Variants in MSRA observed in about 807,000 individuals in gnomAD.
MSRA encodes the protein methionine sulfoxide reductase A.
MSRA carries 54 observed loss-of-function variants against 31.3 expected under a neutral mutation model. The ratio of observed to expected loss-of-function variants is 1.73; its 90% confidence interval spans 1.39 to 2.17. The LOEUF is 2.17. MSRA is among the 30% of genes most tolerant of loss of function. The probability of loss-of-function intolerance (pLI) is 0.00; values close to 1 mark genes in which losing one functional copy is unlikely to be tolerated. For synonymous variants in MSRA, 169 were observed against 116.5 expected, an observed-to-expected ratio of 1.45 and a Z score of -2.90; for missense variants, 507 against 300.9, an observed-to-expected ratio of 1.69 and a Z score of -5.07.
chr8:10,275,652 T>C (rs1158692277), intron 3 of MSRA, among the ~76,000 whole-genome samples: 12 of 152,204 alleles, frequency 7.9e-5, no homozygotes, highest in Non-Finnish European at 1.8e-4. Flanking sequence ...TTCACCACTA[T>C]GCACTGGCAT....
intron 1 of MSRA, among the ~76,000 whole-genome samples, chr8:10,091,255 G>A (rs144449557): frequency 4.9e-4 from 74 of 152,046 alleles, no homozygotes; most frequent in African/African-American, 1.8e-3. Context: ...TTTTACTTAT[G>A]TTCATTATTC....
chr8:10,226,531 T>G (rs1811016297), intron 2 of MSRA, among the ~76,000 whole-genome samples: 1 of 152,200 alleles, frequency 6.6e-6, no homozygotes, highest in African/African-American at 2.4e-5. Flanking sequence ...TCATGGTCAT[T>G]GGCTCATTGG....
chr8:10,284,333 C>T (rs560922277), intron 3 of MSRA, among the ~76,000 whole-genome samples: 4 of 152,092 alleles, frequency 2.6e-5, no homozygotes, highest in Middle Eastern at 3.4e-3. Context: ...GGACTATAGG[C>T]GCCCGCCACC....
At chr8:10,344,173 G>A (rs992422679) in intron 5 of MSRA, among the ~76,000 whole-genome samples, 7 of 152,150 alleles carry the variant, frequency 4.6e-5, no homozygotes, top group Non-Finnish European at 8.8e-5. Flanking sequence ...TTCTCATATC[G>A]TCCTTTGTAC....
At chr8:10,211,991 A>T (rs1809541220) in intron 2 of MSRA, among the ~76,000 whole-genome samples, 1 of 152,096 alleles carries the variant, frequency 6.6e-6, no homozygotes, top group African/African-American at 2.4e-5. Flanking sequence ...TCCAAGCTTA[A>T]TTTGTGAAGA....
At chr8:10,064,797 A>T (rs1228863769) in intron 1 of MSRA, among the ~76,000 whole-genome samples, 1 of 152,206 alleles carries the variant, frequency 6.6e-6, no homozygotes, top group Non-Finnish European at 1.5e-5. Context: ...GGTTCAGATG[A>T]GGCCACAAAT....
chr8:10,242,835 A>G (rs1181985962), intron 2 of MSRA, among the ~76,000 whole-genome samples: 1 of 152,026 alleles, frequency 6.6e-6, no homozygotes, highest in Non-Finnish European at 1.5e-5. Context: ...CCTCCTAACA[A>G]CCTGTGTCCT....
At chr8:10,147,266 C>A (rs545576994) in intron 1 of MSRA, among the ~76,000 whole-genome samples, 145 of 152,176 alleles carry the variant, frequency 9.5e-4, no homozygotes, top group African/African-American at 3.3e-3. Flanking sequence ...AAGGAACCGG[C>A]GATCCATCCT....
At chr8:10,257,914 TAAG>T (rs1242026806) in intron 3 of MSRA, among the ~76,000 whole-genome samples, 1 of 152,192 alleles carries the variant, frequency 6.6e-6, no homozygotes, top group Non-Finnish European at 1.5e-5. Flanking sequence ...CATGTCTTGT[TAAG>T]AAGCAGGAGA....
At chr8:10,402,553 G>T (rs540076125) in intron 5 of MSRA, among the ~76,000 whole-genome samples, 1 of 152,338 alleles carries the variant, frequency 6.6e-6, no homozygotes, top group South Asian at 2.1e-4. Context: ...CCCACTGGAG[G>T]CAGCTGGGAG....
chr8:10,303,261 A>C (rs1443561931), intron 4 of MSRA, among the ~76,000 whole-genome samples: 1 of 152,182 alleles, frequency 6.6e-6, no homozygotes, highest in Non-Finnish European at 1.5e-5. Context: ...CAGAATTGTA[A>C]AGAAGGCCAA....
chr8:10,168,390 G>C (rs573402600), intron 1 of MSRA, among the ~76,000 whole-genome samples: 37 of 152,128 alleles, frequency 2.4e-4, no homozygotes, highest in Non-Finnish European at 3.8e-4. Flanking sequence ...GGCCAACTCA[G>C]ATGTCACTGG....
intron 1 of MSRA, among the ~76,000 whole-genome samples, chr8:10,105,330 T>C (rs956726459): frequency 2.6e-5 from 4 of 152,206 alleles, no homozygotes; most frequent in African/African-American, 4.8e-5. Context: ...TGCTTTCCGA[T>C]GAGGCAGAGA....
intron 1 of MSRA, among the ~76,000 whole-genome samples, chr8:10,076,557 C>T (rs189017718): frequency 6.6e-6 from 1 of 152,326 alleles, no homozygotes; most frequent in East Asian, 1.9e-4. Context: ...ATTTACGCAG[C>T]TTCCATTCCC....
At chr8:10,238,630 A>C (rs915411019) in intron 2 of MSRA, among the ~76,000 whole-genome samples, 6 of 152,246 alleles carry the variant, frequency 3.9e-5, no homozygotes, top group Non-Finnish European at 7.3e-5. Context: ...ACGATGTCAT[A>C]TAAAGGTAAC....
chr8:10,209,100 G>T (rs921505985), intron 2 of MSRA, among the ~76,000 whole-genome samples: 1 of 152,170 alleles, frequency 6.6e-6, no homozygotes, highest in East Asian at 1.9e-4. Context: ...TCAGTGATGA[G>T]AAATCATTAT....
rs542074662 is a variant in MSRA, at chr8:10,404,457, G to A, written c.544-23691G>A. Among the ~76,000 whole-genome samples, 7 of 152,292 alleles carry A rather than the reference G, an allele frequency of 4.6e-5. No individual in the cohort carries two copies. The South Asian group carries it at 8.3e-4, about 18-fold the overall frequency. On this transcript the variant is annotated intron_variant, in intron 5 of 5. Coordinates refer to ENST00000317173, the MANE Select transcript of MSRA (RefSeq NM_012331.5). The stretch of plus-strand genomic sequence containing the variant: ...GGCGGGTGTGGGATCCATCACGCCC[G>A]CCCACGTGGATGGCTTCAAAGTGAA...
chr8:10,365,688 C>A (rs913642748), intron 5 of MSRA, among the ~76,000 whole-genome samples: 27 of 152,164 alleles, frequency 1.8e-4, no homozygotes, highest in African/African-American at 6.3e-4. Context: ...GAGCAGTTGT[C>A]CCGGTTTCAG....
chr8:10,354,750 G>GTATATATATATATATA (rs754778002), intron 5 of MSRA, among the ~76,000 whole-genome samples: 17 of 138,392 alleles, frequency 1.2e-4, no homozygotes, highest in African/African-American at 4.1e-4. Flanking sequence ...GTGTGTGTGT[G>GTATATATATATATATA]TATATATATA....
Sources: allele counts gnomAD v4.1 joint callset (sites outside exome capture counted in the v4.1 genomes callset), GRCh38; gene constraint gnomAD v4.1.1; transcripts MANE v1.5; gene names NCBI Gene and HGNC (gene_info 2026-07-23, HGNC 2026-07-21).